Variants in PEAR1 observed in about 807,000 individuals in gnomAD.
The protein encoded by PEAR1 is platelet endothelial aggregation receptor 1.
In PEAR1, 113 loss-of-function variants were observed where a neutral mutation model predicts 131.2. That is an observed-to-expected ratio of 0.86 (90% CI 0.74 to 1.01). PEAR1 has a LOEUF of 1.01. Among genes scored for constraint, PEAR1 ranks in the 50% least tolerant of loss-of-function variants. The probability of loss-of-function intolerance (pLI) is 0.00; values close to 1 mark genes in which losing one functional copy is unlikely to be tolerated. For missense variants in PEAR1, 1,408 were observed against 1,391.1 expected (o/e 1.01, Z -0.19); for synonymous variants, 565 against 523.3 (o/e 1.08, Z -1.09).
rs1213478071 is a variant in PEAR1, at chr1:156,909,693, G to A, written c.1412-58G>A. ...ATCTGGCCCAGCCAGCTCCCACTGT[G>A]TGCTTGCTCAGGAAGGGAAATGGGT... On this transcript the variant is annotated intron_variant, in intron 11 of 22. Transcript: ENST00000292357. The A allele has an allele frequency of 1.9e-6, 3 of 1,544,038 alleles. No homozygotes were observed. The African/African-American group carries it at 4.1e-5, about 21-fold the overall frequency.
Position 156,905,085 on chromosome 1 carries a change from G to A in PEAR1, c.206+233G>A, listed in dbSNP as rs542212850. ...TTACAGTATATGCCTGTGGGGTTGGGGGGGGGGCAAGAAGGGAATGCTCTT... is the reference window on the plus strand; with the variant it reads ...TTACAGTATATGCCTGTGGGGTTGGAGGGGGGGCAAGAAGGGAATGCTCTT... On this transcript the variant is annotated intron_variant, in intron 3 of 22. Coordinates refer to ENST00000292357, the MANE Select transcript of PEAR1 (RefSeq NM_001080471.3). The A allele has an allele frequency of 6.4e-5, 85 of 1,324,770 alleles. 1 individual carries two copies. The highest frequency in any genetic ancestry group is 1.9e-4 in the Middle Eastern group (1 of 5,310). The allele number at this position is 1,324,770 out of a possible 1,614,324, so 82.1% of individuals were successfully genotyped here.
rs1651349928 is a variant in PEAR1 at position 156,912,578 on chromosome 1, C to A, written c.2165C>A (p.Ala722Asp). Reference sequence around the variant, plus strand: ...GAAAAGTGCCACCCAGAGACTGGGGCCTGTGTATGTCCCCCAGGGCACAGT... The same window carrying A: ...GAAAAGTGCCACCCAGAGACTGGGGACTGTGTATGTCCCCCAGGGCACAGT... ...PGEKCHPETGACVCPPGHSGA... is the reference protein window; with the variant it reads ...PGEKCHPETGDCVCPPGHSGA... Residue 722 changes from alanine to aspartate, a missense_variant, in exon 17 of 23, where the codon GCC becomes GAC. By Grantham distance (126) the Ala-to-Asp change is moderately radical (BLOSUM62 -2). Coordinates refer to ENST00000292357, the MANE Select transcript of PEAR1 (RefSeq NM_001080471.3). 6.2e-7 allele frequency: 1 copy of A among 1,613,914 alleles called. No homozygotes were observed. Among genetic ancestry groups the A allele is most frequent in the Non-Finnish European group, 8.5e-7 (1 of 1,180,020 alleles).
At chr1:156,898,316 C>T (rs985042760) in intron 1 of PEAR1, among the ~76,000 whole-genome samples, 5 of 152,232 alleles carry the variant, frequency 3.3e-5, no homozygotes, top group African/African-American at 1.2e-4. Context: ...GACCCTCTAG[C>T]TTCTGTTTCC....
Position 156,914,111 on chromosome 1 carries a change from C to T in PEAR1, c.2962+11C>T. ...GCCCCCTGATCCATGGTGAGCCCTC[C>T]CTCTCCACTGGCAGGAGCAGCAGAG... On this transcript the variant is annotated intron_variant, in intron 22 of 22. Coordinates refer to ENST00000292357, the MANE Select transcript of PEAR1 (RefSeq NM_001080471.3). 1 of 1,576,896 alleles carries T rather than the reference C, an allele frequency of 6.3e-7. No individual in the cohort carries two copies. Among genetic ancestry groups the T allele is most frequent in the Non-Finnish European group, 8.6e-7 (1 of 1,160,264 alleles).
chr1:156,906,282 G>A lies in PEAR1; in HGVS notation c.314G>A (p.Cys105Tyr). Residue 105 changes from cysteine to tyrosine, a missense_variant, in exon 5 of 23, where the codon TGT becomes TAT. Cys to Tyr is a radical substitution (Grantham distance 194, BLOSUM62 -2). Coordinates refer to ENST00000292357, the MANE Select transcript of PEAR1 (RefSeq NM_001080471.3). ...YESRGFCVPL[C>Y]AQECVHGRCV... The stretch of plus-strand genomic sequence containing the variant: ...ACACCCATCTCTGTCCCAGCGCTCT[G>A]TGCCCAGGAGTGTGTCCATGGCCGT... 1.2e-6 allele frequency: 2 copies of A among 1,614,148 alleles called. No individual in the cohort carries two copies. The highest frequency in any genetic ancestry group is 1.7e-6 in the Non-Finnish European group (2 of 1,179,990).
intron 6 of PEAR1, 98 bp from the exon 7 acceptor site, chr1:156,907,512 A>AAGTCTGTGGGGGC (rs1650467131): frequency 6.7e-7 from 1 of 1,490,702 alleles, no homozygotes; most frequent in African/African-American, 1.4e-5. Flanking sequence ...GTGAATCACT[A>AAGTCTGTGGGGGC]AGTCCTGAGG....
chr1:156,913,686 C>A lies in PEAR1; in HGVS notation c.2645-6C>A, dbSNP rs1468786243. 6.2e-7 allele frequency: 1 copy of A among 1,613,492 alleles called. No individual in the cohort carries two copies. The highest frequency in any genetic ancestry group is 1.7e-5 in the Admixed American group (1 of 59,932). On this transcript the variant is annotated splice_polypyrimidine_tract_variant and splice_region_variant and intron_variant, in intron 20 of 22. Coordinates refer to ENST00000292357, the MANE Select transcript of PEAR1 (RefSeq NM_001080471.3). ...GGCTGATTACCAGTTGCCTCCTCCT[C>A]CTCAGGGAGCAGCCGCCTGGACCGA...
chr1:156,909,363 C>T (rs58905602), intron 11 of PEAR1, among the ~76,000 whole-genome samples: 5,483 of 152,202 alleles, frequency 0.036, 342 homozygotes, highest in African/African-American at 0.13. Context: ...ACATTGGCAA[C>T]CTTTAGGCTG....
chr1:156,905,102 A>T, intron 3 of PEAR1: 1 of 1,317,456 alleles, frequency 7.6e-7, no homozygotes, highest in South Asian at 1.3e-5. Flanking sequence ...GCAAGAAGGG[A>T]ATGCTCTTTC....
In PEAR1 at chr1:156,910,064, G is replaced by A; in HGVS notation, c.1634G>A (p.Cys545Tyr). ...TGTGACTGTGACCACTCTGATGGCT[G>A]TGACCCTGTTCATGGACGCTGTCAG... Reference protein sequence around the residue: ...SRCDCDHSDGCDPVHGRCQCQ... With the variant: ...SRCDCDHSDGYDPVHGRCQCQ... The change falls in exon 13 of 23, where the codon TGT becomes TAT. Residue 545 changes from cysteine (C) to tyrosine (Y), a missense_variant. Cys to Tyr is a radical substitution (Grantham distance 194, BLOSUM62 -2). Coordinates refer to ENST00000292357, the MANE Select transcript of PEAR1 (RefSeq NM_001080471.3). 1.2e-6 allele frequency: 2 copies of A among 1,614,174 alleles called. No homozygotes were observed. The highest frequency in any genetic ancestry group is 8.5e-7 in the Non-Finnish European group (1 of 1,180,034).
At chr1:156,897,826 C>T (rs1443443256) in intron 1 of PEAR1, among the ~76,000 whole-genome samples, 1 of 152,190 alleles carries the variant, frequency 6.6e-6, no homozygotes, top group Admixed American at 6.5e-5. Context: ...GGGTCAGCGG[C>T]TGTCCAGTGT....
chr1:156,906,159 G>T lies in PEAR1; in HGVS notation c.308-117G>T. The T allele has an allele frequency of 4.7e-6, 4 of 844,414 alleles. No individual in the cohort carries two copies. In the South Asian group the frequency reaches 5.1e-5, roughly 11 times the overall value. 52.3% of individuals were successfully genotyped at this position (844,414 alleles called of 1,614,324 possible). ...CAGTCTTTATCTTAGAGGCAGAATT[G>T]GGGCTTGGAGAACTTCAGGTCCCTG... On this transcript the variant is annotated intron_variant, in intron 4 of 22. Transcript: ENST00000292357.
At chr1:156,905,546 C>A in intron 4 of PEAR1, 122 bp downstream of exon 4, 1 of 813,654 alleles carries the variant, frequency 1.2e-6, no homozygotes, top group Non-Finnish European at 1.9e-6. Flanking sequence ...CTTTTGGGTT[C>A]CCCCCTCCTC....
At chr1:156,905,050 C>A in intron 3 of PEAR1, 198 bp downstream of exon 3, 1 of 1,500,582 alleles carries the variant, frequency 6.7e-7, no homozygotes, top group East Asian at 2.5e-5. Flanking sequence ...GTTTAGGGTA[C>A]GCATGCATGT....
chr1:156,900,711 G>A (rs1570941559), intron 1 of PEAR1, among the ~76,000 whole-genome samples: 1 of 152,158 alleles, frequency 6.6e-6, no homozygotes, highest in African/African-American at 2.4e-5. Flanking sequence ...CAGAGGCTTG[G>A]AGGGTGAAGG....
At position 156,914,782 on chromosome 1, in the gene PEAR1, G is replaced by A. The variant is rs749988037; in HGVS notation, c.3098G>A (p.Arg1033Gln). 17 of 1,613,882 alleles carry A rather than the reference G, an allele frequency of 1.1e-5. No individual in the cohort carries two copies. The highest frequency in any genetic ancestry group is 1.7e-5 in the Admixed American group (1 of 59,990). Residue 1033 changes from arginine (R) to glutamine (Q), a missense_variant, in exon 23 of 23, where the codon CGA becomes CAA. By Grantham distance (43) the Arg-to-Gln change is conservative. Transcript: ENST00000292357. ...PVRHPPSPPL[R>Q]RQDR is the part of the protein sequence containing the mutation. ...CGGCATCCCCCATCACCTCCACTTC[G>A]ACGCCAGGACCGTTGAGGAGCCAGG... is the stretch of plus-strand genomic sequence containing the variant.
intron 15 of PEAR1, among the ~76,000 whole-genome samples, chr1:156,911,264 TCC>T (rs1651169019): frequency 1.0e-5 from 1 of 96,006 alleles, no homozygotes; most frequent in African/African-American, 6.8e-5. Context: ...TTCTTTTCTC[TCC>T]CTCCCTCTCT....
intron 1 of PEAR1, among the ~76,000 whole-genome samples, chr1:156,897,598 CA>C (rs1169895910): frequency 1.3e-5 from 2 of 152,334 alleles, no homozygotes; most frequent in East Asian, 3.9e-4. Context: ...TCAGGGCATT[CA>C]GGGGGAAGAG....
chr1:156,907,258 G>C (rs1056187001), intron 6 of PEAR1, among the ~76,000 whole-genome samples: 6 of 152,188 alleles, frequency 3.9e-5, no homozygotes, highest in Non-Finnish European at 7.3e-5. Flanking sequence ...GGTAGACCTA[G>C]GTGGAAATCA....
Sources: gnomAD v4.1 joint callset for allele counts (sites outside exome capture counted in the v4.1 genomes callset) on GRCh38, gnomAD v4.1.1 for gene constraint, MANE v1.5 for transcripts, NCBI Gene and HGNC (gene_info 2026-07-23, HGNC 2026-07-21) for gene names.